The following SLC30A8 variants were observed in gnomAD, a reference collection of about 807,000 sequenced individuals.
The protein encoded by SLC30A8 is solute carrier family 30 member 8.
SLC30A8 carries 27 observed loss-of-function variants against 36.9 expected under a neutral mutation model. That is an observed-to-expected ratio of 0.73 (90% CI 0.54 to 1.01). The LOEUF is 1.01. SLC30A8 is among the 50% of genes least tolerant of loss of function. The pLI is 0.00. For missense variants in SLC30A8, 439 were observed against 452.0 expected (o/e 0.97, Z 0.26); for synonymous variants, 164 against 172.4 (o/e 0.95, Z 0.38).
At chr8:117,047,560 C>T (rs548230055) in intron 2 of SLC30A8, among the ~76,000 whole-genome samples, 1 of 152,100 alleles carries the variant, frequency 6.6e-6, no homozygotes, top group South Asian at 2.1e-4. Flanking sequence ...GGTAAGGTGA[C>T]CTTGGAAAGG....
At chr8:116,985,293 TACACACACACACACACACACACACAC>T (rs71305454) in intron 1 of SLC30A8, among the ~76,000 whole-genome samples, 1 of 140,236 alleles carries the variant, frequency 7.1e-6, no homozygotes, top group African/African-American at 2.5e-5. Context: ...CTCACACACA[TACACACACACACACACACACACACAC>T]ACACACACAC....
chr8:116,956,965 A>T (rs917970783), intron 1 of SLC30A8, among the ~76,000 whole-genome samples: 2 of 152,238 alleles, frequency 1.3e-5, no homozygotes, highest in Non-Finnish European at 2.9e-5. Flanking sequence ...AATAAGTGAC[A>T]TGTAGAATAA....
intron 2 of SLC30A8, among the ~76,000 whole-genome samples, chr8:117,043,209 C>T (rs1817444431): frequency 6.6e-6 from 1 of 152,166 alleles, no homozygotes; most frequent in Non-Finnish European, 1.5e-5. Flanking sequence ...AGCATGGAGC[C>T]TGTTTTTTGG....
chr8:117,096,621 T>C (rs904556115), intron 2 of SLC30A8, among the ~76,000 whole-genome samples: 2 of 151,376 alleles, frequency 1.3e-5, no homozygotes, highest in Non-Finnish European at 2.9e-5. Flanking sequence ...CTAGTGTAAA[T>C]GCTTAGGATA....
chr8:117,012,739 A>ACACACACG (rs1476672503), intron 1 of SLC30A8, among the ~76,000 whole-genome samples: 2 of 149,920 alleles, frequency 1.3e-5, no homozygotes, highest in Non-Finnish European at 3.0e-5. Flanking sequence ...ACACACACAC[A>ACACACACG]CACACACACA....
Position 117,052,691 on chromosome 8 carries a change from A to T in SLC30A8, c.-226+13433A>T, listed in dbSNP as rs531292454. ...CTGGATCGTAACCTTGGGATTCTAC[A>T]TAGAGGCATGAGCTTATGCTTATTT... On this transcript the variant is annotated intron_variant, in intron 2 of 10. Coordinates refer to the SLC30A8 transcript ENST00000427715. 4.6e-5 allele frequency among the ~76,000 whole-genome samples: 7 copies of T among 152,318 alleles called. No individual in the cohort carries two copies. In the East Asian group the frequency reaches 1.4e-3, roughly 29 times the overall value.
chr8:117,053,424 C>A (rs1485112919), intron 2 of SLC30A8, among the ~76,000 whole-genome samples: 2 of 152,130 alleles, frequency 1.3e-5, no homozygotes, highest in Non-Finnish European at 2.9e-5. Context: ...CTCTGTGTCT[C>A]TTGCAAACAG....
At chr8:117,050,539 G>A (rs895131260) in intron 2 of SLC30A8, among the ~76,000 whole-genome samples, 3 of 151,806 alleles carry the variant, frequency 2.0e-5, no homozygotes, top group African/African-American at 7.3e-5. Context: ...CAGAGTAGCT[G>A]GGATTACAGG....
At chr8:117,035,990 G>A (rs1326420299) in intron 1 of SLC30A8, among the ~76,000 whole-genome samples, 1 of 152,090 alleles carries the variant, frequency 6.6e-6, no homozygotes, top group African/African-American at 2.4e-5. Flanking sequence ...TTCCAGGCTT[G>A]TGATGGGATC....
intron 2 of SLC30A8, among the ~76,000 whole-genome samples, chr8:117,100,208 A>G (rs533121070): frequency 6.6e-6 from 1 of 152,296 alleles, no homozygotes; most frequent in East Asian, 1.9e-4. Context: ...ATCATTTAGT[A>G]TTTACAAAAA....
At chr8:117,062,340 G>A (rs372457909) in intron 2 of SLC30A8, among the ~76,000 whole-genome samples, 20 of 152,282 alleles carry the variant, frequency 1.3e-4, no homozygotes, top group South Asian at 4.1e-4. Context: ...CTGTCCATGC[G>A]TGGCAAAAGC....
At chr8:117,084,954 G>A (rs894427175) in intron 2 of SLC30A8, among the ~76,000 whole-genome samples, 1 of 152,044 alleles carries the variant, frequency 6.6e-6, no homozygotes, top group African/African-American at 2.4e-5. Flanking sequence ...TGTCTCTGAG[G>A]TATGGGAAAC....
intron 1 of SLC30A8, among the ~76,000 whole-genome samples, chr8:116,954,266 T>C (rs1180909100): frequency 6.6e-6 from 1 of 152,110 alleles, no homozygotes; most frequent in Non-Finnish European, 1.5e-5. Flanking sequence ...TTTTGGACTA[T>C]TGAGTTTGAG....
intron 2 of SLC30A8, among the ~76,000 whole-genome samples, chr8:117,041,522 C>G (rs1817386862): frequency 6.6e-6 from 1 of 152,012 alleles, no homozygotes; most frequent in African/African-American, 2.4e-5. Context: ...ACCCCCGTCT[C>G]TACTAAAAAT....
intron 1 of SLC30A8, among the ~76,000 whole-genome samples, chr8:116,993,155 G>A (rs1045471862): frequency 6.6e-6 from 1 of 152,168 alleles, no homozygotes; most frequent in Non-Finnish European, 1.5e-5. Flanking sequence ...GAGAGGCTTA[G>A]TAGAGAATAG....
intron 1 of SLC30A8, among the ~76,000 whole-genome samples, chr8:117,027,471 C>CT (rs1197821109): frequency 2.6e-5 from 4 of 151,892 alleles, no homozygotes; most frequent in Non-Finnish European, 4.4e-5. Context: ...AATTATTTTG[C>CT]TTTTTTTTGT....
rs544047219 is a variant in SLC30A8 at position 116,984,102 on chromosome 8, CTG to C, written c.-266+32987_-266+32988del. 4.6e-5 allele frequency among the ~76,000 whole-genome samples: 7 copies of C among 152,212 alleles called. No individual in the cohort carries two copies. In the South Asian group the frequency reaches 1.5e-3, roughly 32 times the overall value. On this transcript the variant is annotated intron_variant, in intron 1 of 10. Coordinates refer to the SLC30A8 transcript ENST00000427715. ...TCATATAACATGCAACCCTTTGAAA[CTG>C]TGTTTTTTCATTCAGATTGTTGTGT...
intron 2 of SLC30A8, among the ~76,000 whole-genome samples, chr8:117,079,200 C>G (rs1244299674): frequency 2.0e-5 from 3 of 151,620 alleles, no homozygotes; most frequent in African/African-American, 7.3e-5. Context: ...TTAGTAGAGA[C>G]AGTTTCGCCT....
At chr8:116,992,258 G>T (rs906264015) in intron 1 of SLC30A8, among the ~76,000 whole-genome samples, 1 of 152,144 alleles carries the variant, frequency 6.6e-6, no homozygotes, top group Admixed American at 6.6e-5. Flanking sequence ...GAATGTGAAA[G>T]TTAAAGTGAA....
Sources: allele counts gnomAD v4.1 joint callset (sites outside exome capture counted in the v4.1 genomes callset), GRCh38; gene constraint gnomAD v4.1.1; transcripts MANE v1.5; gene names NCBI Gene and HGNC (gene_info 2026-07-23, HGNC 2026-07-21).